Variants in RNF115 observed in about 807,000 individuals in gnomAD.
RNF115 encodes ring finger protein 115.
A neutral mutation model predicts 39.2 loss-of-function variants in RNF115; 31 were observed. The observed-to-expected ratio is 0.79, with a 90% CI of 0.59 to 1.07. The LOEUF (loss-of-function observed/expected upper bound fraction) is 1.07, where lower values mean the gene tolerates loss of function less well. RNF115 is among the 50% of genes least tolerant of loss of function. The probability of loss-of-function intolerance (pLI) is 0.00; values close to 1 mark genes in which losing one functional copy is unlikely to be tolerated. For missense variants in RNF115, 384 were observed against 381.7 expected, an observed-to-expected ratio of 1.01 and a Z score of -0.05; for synonymous variants, 124 against 131.0, an observed-to-expected ratio of 0.95 and a Z score of 0.37.
chr1:145,793,542 C>A (rs1012704535), intron 1 of RNF115, among the ~76,000 whole-genome samples: 3 of 152,116 alleles, frequency 2.0e-5, no homozygotes, highest in Non-Finnish European at 4.4e-5. Context: ...CAACTCCCCC[C>A]AAATGTGTAT....
chr1:145,819,225 T>C (rs1650121621), intron 1 of RNF115, among the ~76,000 whole-genome samples: 1 of 137,102 alleles, frequency 7.3e-6, no homozygotes, highest in East Asian at 2.2e-4. Flanking sequence ...CGCTTGAGCC[T>C]AGGAGTTCAA....
Position 145,771,700 on chromosome 1 carries a change from A to G in RNF115, c.428+11T>C, listed in dbSNP as rs1553715781. 1.2e-6 allele frequency: 2 copies of G among 1,609,616 alleles called. No homozygotes were observed. Among genetic ancestry groups the G allele is most frequent in the Admixed American group, 3.4e-5 (2 of 59,304 alleles). On this transcript the variant is annotated intron_variant, in intron 4 of 8. Transcript: ENST00000582693. ...ACTACCTTAAAAAGAACTTAAAATA[A>G]AACAACTCACCCTTCAATAGCTGGA... is the stretch of plus-strand genomic sequence containing the variant.
At position 145,750,433 on chromosome 1, in the gene RNF115, G is replaced by A. The variant is rs781911118; in HGVS notation, c.641C>T (p.Thr214Ile). Reference protein sequence around the residue: ...ADKEKITSLPTVTVTQEQVDM... With the variant: ...ADKEKITSLPIVTVTQEQVDM... ...AACTTGTTCCTGAGTTACTGTCACT[G>A]TTGGAAGAGATGTGATCTTTTCCTT... The change falls in exon 7 of 9, where the codon ACA becomes ATA. Residue 214 changes from threonine to isoleucine, a missense_variant. Physicochemically the swap from Thr to Ile is moderately conservative, Grantham distance 89 (BLOSUM62 -1). Coordinates refer to ENST00000582693, the MANE Select transcript of RNF115 (RefSeq NM_014455.4). 4.2e-5 allele frequency: 68 copies of A among 1,613,608 alleles called. No homozygotes were observed. Among genetic ancestry groups the A allele is most frequent in the Non-Finnish European group, 2.5e-5 (29 of 1,179,680 alleles).
intron 1 of RNF115, among the ~76,000 whole-genome samples, chr1:145,806,606 T>C (rs1649475462): frequency 6.6e-6 from 1 of 152,126 alleles, no homozygotes; most frequent in Non-Finnish European, 1.5e-5. Context: ...CATGAATGTC[T>C]TGGTGCAGTC....
At chr1:145,773,147 T>G (rs587628245) in intron 3 of RNF115, 17 of 152,332 alleles carry the variant, frequency 1.1e-4, no homozygotes, top group African/African-American at 4.1e-4. Context: ...TTTAGCTCTT[T>G]GAGTATACTT....
intron 1 of RNF115, among the ~76,000 whole-genome samples, chr1:145,816,829 C>T (rs587723522): frequency 1.9e-4 from 25 of 130,508 alleles, no homozygotes; most frequent in African/African-American, 5.9e-4. Context: ...AGTACAGTGG[C>T]ACAACCATAG....
chr1:145,801,071 TGAGGCAGGAGAATGGCATGAACCCAA>T (rs1649222335), intron 1 of RNF115, among the ~76,000 whole-genome samples: 2 of 152,038 alleles, frequency 1.3e-5, no homozygotes, highest in African/African-American at 4.8e-5. Context: ...CTCAAGAGGC[TGAGGCAGGAGAATGGCATGAACCCAA>T]GAGGCAGGGC....
chr1:145,785,232 G>A (rs996921469), intron 2 of RNF115, among the ~76,000 whole-genome samples: 6 of 151,974 alleles, frequency 3.9e-5, no homozygotes, highest in East Asian at 1.9e-4. Context: ...TCTAGGATTT[G>A]CCACATCCAT....
At chr1:145,760,055 G>A (rs904058000) in intron 4 of RNF115, among the ~76,000 whole-genome samples, 2 of 152,042 alleles carry the variant, frequency 1.3e-5, no homozygotes, top group Non-Finnish European at 2.9e-5. Context: ...TAAGCTCCAC[G>A]AGGGCAGTCA....
At chr1:145,786,086 G>A (rs1648367688) in intron 2 of RNF115, among the ~76,000 whole-genome samples, 1 of 152,042 alleles carries the variant, frequency 6.6e-6, no homozygotes, top group Admixed American at 6.6e-5. Context: ...TATTTTCTGG[G>A]GTTCTGCTCT....
At chr1:145,751,117 T>C (rs1658071262) in intron 6 of RNF115, among the ~76,000 whole-genome samples, 1 of 152,198 alleles carries the variant, frequency 6.6e-6, no homozygotes, top group Admixed American at 6.5e-5. Context: ...AAACCCTCCT[T>C]TTTTTGTGAA....
At chr1:145,775,099 T>A (rs587625060) in intron 3 of RNF115, among the ~76,000 whole-genome samples, 4 of 152,044 alleles carry the variant, frequency 2.6e-5, no homozygotes, top group Non-Finnish European at 5.9e-5. Context: ...ATTTAAACAT[T>A]AGCTAAGTGT....
chr1:145,820,721 C>T (rs587674506), intron 1 of RNF115, among the ~76,000 whole-genome samples: 15 of 151,972 alleles, frequency 9.9e-5, no homozygotes, highest in East Asian at 5.8e-4. Flanking sequence ...GGTGACAGAG[C>T]GAGACTCAGT....
At chr1:145,786,394 G>T (rs912721823) in intron 2 of RNF115, among the ~76,000 whole-genome samples, 2 of 152,110 alleles carry the variant, frequency 1.3e-5, no homozygotes, top group Non-Finnish European at 2.9e-5. Context: ...ATATCATACT[G>T]CCTCTAAGAC....
rs587595433 is a variant in RNF115, at chr1:145,792,842, G to A, written c.103-3876C>T. Among the ~76,000 whole-genome samples, 9 of 152,266 alleles carry A rather than the reference G, an allele frequency of 5.9e-5. No homozygotes were observed. The South Asian group carries it at 1.9e-3, about 32-fold the overall frequency. On this transcript the variant is annotated intron_variant, in intron 1 of 8. Coordinates refer to ENST00000582693, the MANE Select transcript of RNF115 (RefSeq NM_014455.4). ...CTATTAATATCGACTTTACCTTGAG[G>A]ATCAGAAACTCAACCTTTTTTCTCC...
chr1:145,752,379 C>A (rs1658118470), intron 5 of RNF115, among the ~76,000 whole-genome samples: 1 of 151,920 alleles, frequency 6.6e-6, no homozygotes, highest in African/African-American at 2.4e-5. Flanking sequence ...TGGCAGGGAC[C>A]ATCTCATTCT....
chr1:145,759,042 G>T lies in RNF115; in HGVS notation c.429-5993C>A, dbSNP rs369549675. On this transcript the variant is annotated intron_variant, in intron 4 of 8. Transcript: ENST00000582693. Reference sequence around the variant, plus strand: ...GAAGGGAAGTCACATGCTAAAACCAGGTAAGAGTCTTCACATAGTTTCCAG... The same window carrying T: ...GAAGGGAAGTCACATGCTAAAACCATGTAAGAGTCTTCACATAGTTTCCAG... Among the ~76,000 whole-genome samples the T allele has an allele frequency of 1.4e-4, 21 of 152,300 alleles. 1 individual carries two copies. Among genetic ancestry groups the T allele is most frequent in the African/African-American group, 5.1e-4 (21 of 41,560 alleles).
rs1459151631 is a variant in RNF115 at position 145,779,132 on chromosome 1, G to GT, written c.219+5406dup. Among the ~76,000 whole-genome samples, 15 of 151,704 alleles carry GT rather than the reference G, an allele frequency of 9.9e-5. 1 individual carries two copies. The South Asian group carries it at 3.1e-3, about 32-fold the overall frequency. On this transcript the variant is annotated intron_variant, in intron 3 of 8. Coordinates refer to ENST00000582693, the MANE Select transcript of RNF115 (RefSeq NM_014455.4). ...TAGACATGCCTAACACAGGATAATA[G>GT]TTTAATAAATATAATGTAGCCATTA...
At chr1:145,751,761 C>A (rs782741390) in intron 5 of RNF115, among the ~76,000 whole-genome samples, 2 of 152,170 alleles carry the variant, frequency 1.3e-5, no homozygotes, top group African/African-American at 4.8e-5. Context: ...CCACATGACA[C>A]GCCAGAACAA....
Sources: allele counts gnomAD v4.1 joint callset (sites outside exome capture counted in the v4.1 genomes callset), GRCh38; gene constraint gnomAD v4.1.1; transcripts MANE v1.5; gene names NCBI Gene and HGNC (gene_info 2026-07-23, HGNC 2026-07-21).